Variants in AGBL1 observed in about 807,000 individuals in gnomAD.
The protein encoded by AGBL1 is AGBL carboxypeptidase 1.
In AGBL1, 130 loss-of-function variants were observed where a neutral mutation model predicts 118.9. The observed-to-expected ratio is 1.09, with a 90% CI of 0.95 to 1.26. The LOEUF is 1.26. AGBL1 is among the 50% of genes most tolerant of loss of function. The probability of loss-of-function intolerance (pLI) is 0.00; values close to 1 mark genes in which losing one functional copy is unlikely to be tolerated. For missense variants in AGBL1, 1,584 were observed against 1,298.1 expected (o/e 1.22, Z -3.38); for synonymous variants, 555 against 478.9 (o/e 1.16, Z -2.08).
intron 19 of AGBL1, among the ~76,000 whole-genome samples, chr15:86,532,990 C>T (rs1000654555): frequency 1.9e-5 from 2 of 103,608 alleles, no homozygotes; most frequent in Admixed American, 8.9e-5. Flanking sequence ...AAACGTTAGA[C>T]CTAAAACCAT....
intron 22 of AGBL1, among the ~76,000 whole-genome samples, chr15:86,712,824 A>G (rs1337307791): frequency 6.6e-6 from 1 of 152,214 alleles, no homozygotes; most frequent in Admixed American, 6.5e-5. Flanking sequence ...TGAAGATAGC[A>G]GCAAGGGCTG....
intron 17 of AGBL1, among the ~76,000 whole-genome samples, chr15:86,361,469 C>T (rs2346307): frequency 0.76 from 114,914 of 151,976 alleles, 44,246 homozygotes; most frequent in Non-Finnish European, 0.79. Flanking sequence ...TCATTCAGTC[C>T]GTAGAGCTGT....
intron 18 of AGBL1, among the ~76,000 whole-genome samples, chr15:86,461,670 A>T (rs1486508741): frequency 6.6e-6 from 1 of 152,166 alleles, no homozygotes; most frequent in Non-Finnish European, 1.5e-5. Context: ...ATTTGGGTGT[A>T]TATAAAACCC....
chr15:86,377,593 C>T (rs1018864380), intron 17 of AGBL1, among the ~76,000 whole-genome samples: 1 of 152,178 alleles, frequency 6.6e-6, no homozygotes, highest in Non-Finnish European at 1.5e-5. Flanking sequence ...TCTCTCATTA[C>T]ATTTTGTGTT....
rs1412188084 is a variant in AGBL1, at chr15:86,875,244, T to G, written c.3159-31843T>G. 2.0e-5 allele frequency among the ~76,000 whole-genome samples: 3 copies of G among 152,278 alleles called. No individual in the cohort carries two copies. In the East Asian group the frequency reaches 5.8e-4, roughly 29 times the overall value. On this transcript the variant is annotated intron_variant, in intron 22 of 22. Coordinates refer to ENST00000614907, the MANE Select transcript of AGBL1 (RefSeq NM_001386094.1). The stretch of plus-strand genomic sequence containing the variant: ...CCTGCTCAGGGCAGGCACTTCATCA[T>G]GCTCTGCCACTGTCACCATAAATAA...
At chr15:87,004,483 C>T (rs1047768923) in intron 24 of AGBL1, among the ~76,000 whole-genome samples, 3 of 152,128 alleles carry the variant, frequency 2.0e-5, no homozygotes, top group Non-Finnish European at 2.9e-5. Context: ...GGTTTAAAGT[C>T]TGTTTTATCA....
In AGBL1 at chr15:86,824,790, C is replaced by A. The variant is rs186861942; in HGVS notation, c.3159-82297C>A. Among the ~76,000 whole-genome samples, 17 of 151,978 alleles carry A rather than the reference C, an allele frequency of 1.1e-4. No individual in the cohort carries two copies. In the East Asian group the frequency reaches 2.5e-3, roughly 23 times the overall value. On this transcript the variant is annotated intron_variant, in intron 22 of 22. Transcript: ENST00000614907. Reference sequence around the variant, plus strand: ...ATTCAGAACTAGGTCTGGTATGGTGCCTTACACCTAAAATCCCAGCACTTT... The same window carrying A: ...ATTCAGAACTAGGTCTGGTATGGTGACTTACACCTAAAATCCCAGCACTTT...
chr15:86,671,739 A>G (rs2085749531), intron 21 of AGBL1, among the ~76,000 whole-genome samples: 1 of 152,232 alleles, frequency 6.6e-6, no homozygotes, highest in Non-Finnish European at 1.5e-5. Flanking sequence ...AACCCAGAGA[A>G]GTCAAGTTCT....
At chr15:86,289,274 T>A (rs2079506598) in intron 16 of AGBL1, among the ~76,000 whole-genome samples, 1 of 152,214 alleles carries the variant, frequency 6.6e-6, no homozygotes, top group Non-Finnish European at 1.5e-5. Flanking sequence ...CTATTTTCCA[T>A]GCCTCACCGC....
intron 18 of AGBL1, among the ~76,000 whole-genome samples, chr15:86,519,097 T>C (rs945417563): frequency 9.4e-4 from 143 of 152,240 alleles, no homozygotes; most frequent in African/African-American, 3.3e-3. Flanking sequence ...ACATCATCCT[T>C]TGATATTTGC....
At chr15:86,542,091 T>C (rs1017091478) in intron 19 of AGBL1, among the ~76,000 whole-genome samples, 5 of 152,198 alleles carry the variant, frequency 3.3e-5, no homozygotes, top group East Asian at 3.9e-4. Context: ...AACAGCTTAA[T>C]TGGGTGGTTG....
intron 5 of AGBL1, among the ~76,000 whole-genome samples, chr15:86,211,387 C>A (rs2078095338): frequency 6.6e-6 from 1 of 152,220 alleles, no homozygotes; most frequent in Admixed American, 6.5e-5. Flanking sequence ...CAGACAGGGA[C>A]ATTTAAGTCT....
chr15:86,921,768 T>C (rs1192142295), intron 23 of AGBL1, among the ~76,000 whole-genome samples: 1 of 152,182 alleles, frequency 6.6e-6, no homozygotes, highest in Non-Finnish European at 1.5e-5. Context: ...GCCTGTGGCA[T>C]GTCCACCTCT....
chr15:86,202,933 A>G (rs535974572), intron 5 of AGBL1, among the ~76,000 whole-genome samples: 2 of 152,256 alleles, frequency 1.3e-5, no homozygotes, highest in East Asian at 1.9e-4. Context: ...AATAATCACC[A>G]TAAGGACAGG....
intron 21 of AGBL1, among the ~76,000 whole-genome samples, chr15:86,626,739 A>T (rs184979912): frequency 8.5e-4 from 130 of 152,244 alleles, no homozygotes; most frequent in African/African-American, 3.1e-3. Flanking sequence ...ATAGGATTGG[A>T]AAAGTTCCTC....
chr15:86,704,556 A>G (rs2142658391), intron 22 of AGBL1, among the ~76,000 whole-genome samples: 1 of 152,344 alleles, frequency 6.6e-6, no homozygotes, highest in African/African-American at 2.4e-5. Flanking sequence ...TGGTCATTAG[A>G]GAAACGCAAA....
chr15:87,022,168 G>A lies in AGBL1; in HGVS notation c.3324-6657G>A, dbSNP rs2081671444. ...TGGGACAAAAAGAATCTGAACAACA[G>A]CCTTCAGCCCTACACCTTCCCTCTG... On this transcript the variant is annotated intron_variant, in intron 24 of 24. Transcript: ENST00000441037. 2.0e-5 allele frequency among the ~76,000 whole-genome samples: 3 copies of A among 152,038 alleles called. No homozygotes were observed. The South Asian group carries it at 6.2e-4, about 32-fold the overall frequency.
chr15:86,376,660 C>T (rs1326299006), intron 17 of AGBL1, among the ~76,000 whole-genome samples: 1 of 152,214 alleles, frequency 6.6e-6, no homozygotes, highest in African/African-American at 2.4e-5. Flanking sequence ...AGTCTCTCTC[C>T]TTGCAGAGGC....
chr15:86,828,450 A>G (rs1219625397), intron 22 of AGBL1, among the ~76,000 whole-genome samples: 1 of 152,126 alleles, frequency 6.6e-6, no homozygotes, highest in Non-Finnish European at 1.5e-5. Flanking sequence ...GTAATCATAC[A>G]TGTCCTTATA....
Sources: allele counts gnomAD v4.1 joint callset (sites outside exome capture counted in the v4.1 genomes callset), GRCh38; gene constraint gnomAD v4.1.1; transcripts MANE v1.5; gene names NCBI Gene and HGNC (gene_info 2026-07-23, HGNC 2026-07-21).